The following VIRMA variants were observed in gnomAD, a reference collection of about 807,000 sequenced individuals.
The protein encoded by VIRMA is protein virilizer homolog.
In VIRMA, 65 loss-of-function variants were observed where a neutral mutation model predicts 182.4. The ratio of observed to expected loss-of-function variants is 0.36; its 90% CI spans 0.29 to 0.44. The LOEUF is 0.44. Ranked by LOEUF, VIRMA falls within the 20% of genes least tolerant of loss-of-function variation. The pLI, the probability that VIRMA is intolerant of heterozygous loss-of-function variation, is 1.00. For missense variants in VIRMA, 1,752 were observed against 2,158.1 expected (o/e 0.81, Z 3.73); for synonymous variants, 709 against 743.1 (o/e 0.95, Z 0.75).
intron 1 of VIRMA, among the ~76,000 whole-genome samples, chr8:94,550,441 T>C (rs578239626): frequency 7.2e-5 from 11 of 151,764 alleles, no homozygotes; most frequent in African/African-American, 2.2e-4. Context: ...TACAGGCACC[T>C]GCCACCACGC....
At chr8:94,553,252 G>T (rs777166041) in intron 1 of VIRMA, 133 bp downstream of exon 1, 2 of 870,232 alleles carry the variant, frequency 2.3e-6, no homozygotes, top group Admixed American at 3.8e-5. Context: ...ACACAGCTCG[G>T]GGGAGGGTGT....
chr8:94,510,296 T>C (rs1439190107), intron 14 of VIRMA, 121 bp downstream of exon 14: 2 of 680,086 alleles, frequency 2.9e-6, no homozygotes, highest in African/African-American at 3.6e-5. Context: ...GGTATATGTG[T>C]ATATTTACAT....
intron 5 of VIRMA, among the ~76,000 whole-genome samples, chr8:94,532,888 G>T (rs1252414435): frequency 6.6e-6 from 1 of 152,038 alleles, no homozygotes; most frequent in African/African-American, 2.4e-5. Context: ...TTGAGTCCAG[G>T]ATTACGACGT....
At position 94,491,329 on chromosome 8, in the gene VIRMA, G is replaced by A. The variant is rs529983800; in HGVS notation, c.5140+249C>T. On this transcript the variant is annotated intron_variant, in intron 22 of 23. Transcript: ENST00000297591. ...ACTCTTGTCTCAAAAAAAAAAGGCC[G>A]GGGGGAATAATTAGCCAAGACTTCT... is the stretch of plus-strand genomic sequence containing the variant. Among the ~76,000 whole-genome samples the A allele has an allele frequency of 7.3e-5, 11 of 151,222 alleles. No individual in the cohort carries two copies. The South Asian group carries it at 8.4e-4, about 12-fold the overall frequency.
In VIRMA at chr8:94,529,270, G is replaced by A. The variant is rs772081719; in HGVS notation, c.680C>T (p.Ser227Phe). The stretch of plus-strand genomic sequence containing the variant: ...AGAATATTGCCCTTCCTGGGGAACA[G>A]AATTCCGATCAGGAGAAATGGGCTC... ...YFEPISPDRNSVPQEGQYSDE... is the reference protein window; with the variant it reads ...YFEPISPDRNFVPQEGQYSDE... Residue 227 changes from serine (S) to phenylalanine (F), a missense_variant, in exon 7 of 24, where the codon TCT becomes TTT. Around this residue, in one of 11 missense-constraint regions of VIRMA, gnomAD observed 114 missense variants for 106.9 expected, o/e 1.07. Coordinates refer to ENST00000297591, the MANE Select transcript of VIRMA (RefSeq NM_015496.5). 6.2e-7 allele frequency: 1 copy of A among 1,612,616 alleles called. No individual in the cohort carries two copies. The highest frequency in any genetic ancestry group is 1.6e-4 in the Middle Eastern group (1 of 6,062).
chr8:94,504,138 C>T (rs1019546601), intron 16 of VIRMA, among the ~76,000 whole-genome samples: 6 of 151,658 alleles, frequency 4.0e-5, no homozygotes, highest in Non-Finnish European at 8.8e-5. Flanking sequence ...TGTGCCACTG[C>T]ACTCCAACCC....
intron 16 of VIRMA, among the ~76,000 whole-genome samples, chr8:94,500,189 G>A (rs768372912): frequency 3.3e-5 from 5 of 152,016 alleles, no homozygotes; most frequent in Non-Finnish European, 7.4e-5. Context: ...CACGAGGTCA[G>A]GAGATCAAGA....
At chr8:94,547,542 G>A (rs779437905) in intron 1 of VIRMA, among the ~76,000 whole-genome samples, 1 of 150,760 alleles carries the variant, frequency 6.6e-6, no homozygotes. Flanking sequence ...TTCTGCAGAT[G>A]AGTTCCTAAT....
Position 94,553,464 on chromosome 8 carries a change from G to C in VIRMA, c.-17C>G, listed in dbSNP as rs766764431. ...CACCGCCATGTTTGCCGCGGGCGGG[G>C]AACAGGGGGGAGGACTTCCGGGGCA... is the stretch of plus-strand genomic sequence containing the variant. On this transcript the variant is annotated 5_prime_UTR_variant, in exon 1 of 24. Transcript: ENST00000297591. 1.5e-5 allele frequency: 25 copies of C among 1,613,344 alleles called. No homozygotes were observed. The highest frequency in any genetic ancestry group is 2.0e-5 in the Non-Finnish European group (24 of 1,179,420).
At chr8:94,508,174 C>T (rs1047639043) in intron 15 of VIRMA, among the ~76,000 whole-genome samples, 1 of 151,926 alleles carries the variant, frequency 6.6e-6, no homozygotes, top group African/African-American at 2.4e-5. Context: ...GCAACCTAGG[C>T]CTACTATGAG....
chr8:94,503,140 C>T (rs768874962), intron 16 of VIRMA, among the ~76,000 whole-genome samples: 18 of 150,622 alleles, frequency 1.2e-4, no homozygotes, highest in Non-Finnish European at 2.2e-4. Flanking sequence ...TAATAACTGC[C>T]ATATCTTGCC....
chr8:94,530,839 G>A (rs565605827), intron 6 of VIRMA, 124 bp downstream of exon 6: 55 of 945,548 alleles, frequency 5.8e-5, no homozygotes, highest in Non-Finnish European at 7.0e-5. Flanking sequence ...TTAAGCCCAG[G>A]TGGTCAAGAC....
chr8:94,544,050 C>T (rs914897038), intron 1 of VIRMA, 108 bp from the exon 2 acceptor site: 5 of 645,402 alleles, frequency 7.7e-6, no homozygotes, highest in African/African-American at 7.3e-5. Context: ...CTTAACATTC[C>T]ATATCATTAA....
At chr8:94,547,032 T>C (rs1439168730) in intron 1 of VIRMA, 1 of 455,226 alleles carries the variant, frequency 2.2e-6, no homozygotes, top group Admixed American at 2.4e-5. Context: ...ACAAGTAAAC[T>C]TTCTCTTGAA....
At chr8:94,547,869 CAAA>C (rs1267941832) in intron 1 of VIRMA, among the ~76,000 whole-genome samples, 3 of 113,016 alleles carry the variant, frequency 2.7e-5, no homozygotes, top group Non-Finnish European at 3.7e-5. Context: ...CCATCTCTAC[CAAA>C]AAAAAAAAAA....
intron 16 of VIRMA, among the ~76,000 whole-genome samples, chr8:94,502,216 G>A (rs954967548): frequency 2.0e-5 from 3 of 151,844 alleles, no homozygotes; most frequent in African/African-American, 7.3e-5. Flanking sequence ...TGCATGAAAT[G>A]TCTTTTTCAT....
intron 11 of VIRMA, among the ~76,000 whole-genome samples, chr8:94,514,045 C>T (rs767676567): frequency 9.2e-5 from 14 of 152,224 alleles, no homozygotes; most frequent in Admixed American, 6.5e-5. Context: ...TAATAATATA[C>T]ACTGCAATTC....
chr8:94,540,078 C>T (rs1168869509), intron 2 of VIRMA, among the ~76,000 whole-genome samples: 1 of 152,072 alleles, frequency 6.6e-6, no homozygotes, highest in Non-Finnish European at 1.5e-5. Context: ...CAAAGACACA[C>T]CATTTGATGC....
chr8:94,548,098 T>C (rs907945175), intron 1 of VIRMA, among the ~76,000 whole-genome samples: 8 of 149,304 alleles, frequency 5.4e-5, no homozygotes, highest in Non-Finnish European at 1.2e-4. Flanking sequence ...GGATATTATA[T>C]AGAATATCTA....
Sources: allele counts gnomAD v4.1 joint callset (sites outside exome capture counted in the v4.1 genomes callset), GRCh38; gene constraint gnomAD v4.1.1; regional missense constraint gnomAD v4.1.1; transcripts MANE v1.5; gene names NCBI Gene and HGNC (gene_info 2026-07-23, HGNC 2026-07-21).